DCC: variants seen among roughly 807,000 people sequenced by gnomAD.
DCC encodes the protein netrin receptor DCC.
Under a neutral mutation model 172.5 loss-of-function variants are expected in DCC, and 58 were observed. That is an observed-to-expected ratio of 0.34 (90% CI 0.27 to 0.42). The LOEUF (loss-of-function observed/expected upper bound fraction) is 0.42, where lower values mean the gene tolerates loss of function less well. Among genes scored for constraint, DCC ranks in the 10% least tolerant of loss-of-function variants. DCC has a pLI of 1.00. For synonymous variants in DCC, 709 were observed against 644.5 expected, an observed-to-expected ratio of 1.10 and a Z score of -1.52; for missense variants, 1,740 against 1,791.0, an observed-to-expected ratio of 0.97 and a Z score of 0.51.
rs1448925137 is a variant in DCC, at chr18:53,351,318, C to T, written c.2359+11411C>T. Among the ~76,000 whole-genome samples, 33 of 14,582 alleles carry T rather than the reference C, an allele frequency of 2.3e-3. 1 individual carries two copies. Among genetic ancestry groups the T allele is most frequent in the Non-Finnish European group, 4.8e-3 (26 of 5,446 alleles). 9.6% of individuals were successfully genotyped at this position (14,582 alleles called of 152,430 possible). ...ATATATATATATATATATATATACACTGTATATATATATACAGTGTATATA... is the reference window on the plus strand; with the variant it reads ...ATATATATATATATATATATATACATTGTATATATATATACAGTGTATATA... On this transcript the variant is annotated intron_variant, in intron 15 of 28. Transcript: ENST00000442544.
At chr18:52,950,595 C>A (rs1463891536) in intron 5 of DCC, among the ~76,000 whole-genome samples, 1 of 152,240 alleles carries the variant, frequency 6.6e-6, no homozygotes, top group Non-Finnish European at 1.5e-5. Flanking sequence ...ACTTAAAAGC[C>A]TCCCTATCTT....
At chr18:52,677,960 G>T (rs2035674872) in intron 1 of DCC, among the ~76,000 whole-genome samples, 1 of 152,138 alleles carries the variant, frequency 6.6e-6, no homozygotes, top group African/African-American at 2.4e-5. Flanking sequence ...TTAAAGTCAA[G>T]GGTAAGGCTA....
chr18:53,369,385 A>G (rs7226995), intron 15 of DCC, among the ~76,000 whole-genome samples: 73,287 of 151,678 alleles, frequency 0.48, 18,322 homozygotes, highest in Non-Finnish European at 0.55. Context: ...TTATATTTGC[A>G]AAATCTTAGG....
At chr18:52,575,719 G>A (rs1202536339) in intron 1 of DCC, among the ~76,000 whole-genome samples, 7 of 152,096 alleles carry the variant, frequency 4.6e-5, no homozygotes, top group Admixed American at 1.3e-4. Flanking sequence ...GTTATTTCAT[G>A]TGATCATCAC....
chr18:52,546,640 A>G (rs1365190485), intron 1 of DCC, among the ~76,000 whole-genome samples: 3 of 149,544 alleles, frequency 2.0e-5, no homozygotes, highest in African/African-American at 4.9e-5. Flanking sequence ...GAAATTATAT[A>G]GAATGTGATC....
intron 5 of DCC, among the ~76,000 whole-genome samples, chr18:52,943,746 TTTTG>T: frequency 6.6e-6 from 1 of 151,874 alleles, no homozygotes; most frequent in African/African-American, 2.4e-5. Context: ...TGGTTTTTTT[TTTTG>T]TTTGTTTTGT....
At chr18:53,319,378 C>T (rs1277126937) in intron 13 of DCC, among the ~76,000 whole-genome samples, 1 of 151,894 alleles carries the variant, frequency 6.6e-6, no homozygotes, top group East Asian at 1.9e-4. Context: ...ATCTCACTTG[C>T]AGAGACACAC....
At chr18:53,177,199 A>G in intron 8 of DCC, among the ~76,000 whole-genome samples, 2 of 149,560 alleles carry the variant, frequency 1.3e-5, no homozygotes, top group Admixed American at 6.7e-5. Context: ...GGAGCGGGGG[A>G]GGGATAGCAC....
At chr18:52,431,621 T>C (rs939573191) in intron 1 of DCC, among the ~76,000 whole-genome samples, 3 of 152,250 alleles carry the variant, frequency 2.0e-5, no homozygotes, top group East Asian at 3.9e-4. Flanking sequence ...GGCTTGGCTG[T>C]TTATGGTTCC....
chr18:53,344,701 A>G (rs1387477528), intron 15 of DCC, among the ~76,000 whole-genome samples: 2 of 151,328 alleles, frequency 1.3e-5, no homozygotes, highest in Non-Finnish European at 2.9e-5. Flanking sequence ...CAGCCTCTCA[A>G]GTGCTGGGAC....
At chr18:53,178,280 A>T (rs1423419642) in intron 8 of DCC, among the ~76,000 whole-genome samples, 1 of 152,238 alleles carries the variant, frequency 6.6e-6, no homozygotes, top group Non-Finnish European at 1.5e-5. Flanking sequence ...CATGATCAGT[A>T]GATTAATTCA....
intron 5 of DCC, among the ~76,000 whole-genome samples, chr18:53,048,637 G>C (rs2042292658): frequency 6.7e-6 from 1 of 149,646 alleles, no homozygotes; most frequent in Admixed American, 6.7e-5. Context: ...AAGAAAATGT[G>C]ATATATATAT....
intron 1 of DCC, among the ~76,000 whole-genome samples, chr18:52,597,128 C>T (rs898700492): frequency 2.0e-5 from 3 of 152,026 alleles, no homozygotes; most frequent in South Asian, 2.1e-4. Flanking sequence ...AAAAGTCAAG[C>T]TAAATGCAAT....
chr18:53,073,622 G>A (rs2042685700), intron 7 of DCC, among the ~76,000 whole-genome samples: 1 of 152,002 alleles, frequency 6.6e-6, no homozygotes, highest in Non-Finnish European at 1.5e-5. Context: ...TTTCACTGTA[G>A]TAGGGGAAAT....
chr18:52,467,207 C>T (rs1051251935), intron 1 of DCC, among the ~76,000 whole-genome samples: 13 of 152,036 alleles, frequency 8.6e-5, no homozygotes, highest in Non-Finnish European at 1.8e-4. Context: ...GTCCCCCACC[C>T]CCCGACAGGC....
chr18:52,786,604 C>G (rs975828872), intron 2 of DCC, among the ~76,000 whole-genome samples: 1 of 152,108 alleles, frequency 6.6e-6, no homozygotes, highest in African/African-American at 2.4e-5. Context: ...GAACTCAGTT[C>G]CACAAGGAAT....
intron 1 of DCC, among the ~76,000 whole-genome samples, chr18:52,365,161 A>G (rs1984791318): frequency 6.6e-6 from 1 of 152,210 alleles, no homozygotes; most frequent in Admixed American, 6.5e-5. Flanking sequence ...TCTTAAGAAG[A>G]TTAATGAGAT....
chr18:52,953,241 A>G (rs2040687918), intron 5 of DCC, among the ~76,000 whole-genome samples: 1 of 152,156 alleles, frequency 6.6e-6, no homozygotes, highest in African/African-American at 2.4e-5. Flanking sequence ...GTGAACTTTC[A>G]TTCTCAGTGC....
intron 1 of DCC, among the ~76,000 whole-genome samples, chr18:52,541,272 C>T (rs571557558): frequency 7.2e-5 from 11 of 152,186 alleles, no homozygotes; most frequent in Non-Finnish European, 1.2e-4. Flanking sequence ...ACCAGATGGT[C>T]TTCTCCTTCT....
Sources: gnomAD v4.1 joint callset for allele counts (sites outside exome capture counted in the v4.1 genomes callset) on GRCh38, gnomAD v4.1.1 for gene constraint, MANE v1.5 for transcripts, NCBI Gene and HGNC (gene_info 2026-07-23, HGNC 2026-07-21) for gene names.